The following ACSL4 variants were observed in gnomAD, a reference collection of about 807,000 sequenced individuals.
The protein encoded by ACSL4 is acyl-CoA synthetase long chain family member 4.
Under a neutral mutation model 49.1 loss-of-function variants are expected in ACSL4, and 9 were observed. The ratio of observed to expected loss-of-function variants is 0.18; its 90% CI spans 0.11 to 0.32. ACSL4 has a LOEUF of 0.32. Ranked by LOEUF, ACSL4 falls within the 10% of genes least tolerant of loss-of-function variation. ACSL4 has a pLI of 1.00. For missense variants in ACSL4, 333 were observed against 493.7 expected (o/e 0.67, Z 3.08); for synonymous variants, 191 against 170.3 (o/e 1.12, Z -0.95).
intron 9 of ACSL4, among the ~76,000 whole-genome samples, chrX:109,669,559 A>G (rs1217537002): frequency 9.0e-6 from 1 of 110,626 alleles, no homozygotes; most frequent in African/African-American, 3.3e-5. Context: ...ACACCCGGCT[A>G]ATTTTTTGTA....
chrX:109,729,150 C>T (rs1040868991), intron 1 of ACSL4, among the ~76,000 whole-genome samples: 2 of 110,322 alleles, frequency 1.8e-5, no homozygotes, highest in Admixed American at 1.9e-4. Context: ...ATCTGGGAGG[C>T]AGAGCTTGCA....
rs1051508507 is a variant in ACSL4 at position 109,711,740 on chromosome X, T to C, written c.-65-15544A>G. 8.1e-5 allele frequency among the ~76,000 whole-genome samples: 9 copies of C among 111,022 alleles called. No homozygotes were observed. In the East Asian group the frequency reaches 1.7e-3, roughly 21 times the overall value. On this transcript the variant is annotated intron_variant, in intron 1 of 15. Transcript: ENST00000672401. The stretch of plus-strand genomic sequence containing the variant: ...GTAGAAAGCCTTCCTTGACCTCCTA[T>C]GTTACGTGAAGTGCCTCTGCTATTT...
intron 1 of ACSL4, among the ~76,000 whole-genome samples, chrX:109,723,837 A>T (rs1927748669): frequency 8.9e-6 from 1 of 112,860 alleles, no homozygotes; most frequent in Admixed American, 9.4e-5. Flanking sequence ...ACTCTCATTA[A>T]CAGTGTATGC....
intron 15 of ACSL4, among the ~76,000 whole-genome samples, chrX:109,645,461 C>T (rs1331204448): frequency 1.8e-5 from 2 of 111,976 alleles, no homozygotes; most frequent in Admixed American, 1.9e-4. Context: ...AGCTGAGGGT[C>T]CTGTCTGTTA....
intron 3 of ACSL4, 67 bp downstream of exon 3, chrX:109,683,069 C>T (rs1045927876): frequency 2.7e-6 from 3 of 1,124,664 alleles, no homozygotes; most frequent in South Asian, 1.9e-5. Flanking sequence ...AAAACGCACT[C>T]GATTTATGAT....
In ACSL4 at chrX:109,681,120, A is replaced by G. The variant is rs1314721535; in HGVS notation, c.533T>C (p.Ile178Thr). 2.5e-6 allele frequency: 3 copies of G among 1,208,914 alleles called. No individual in the cohort carries two copies. Among genetic ancestry groups the G allele is most frequent in the African/African-American group, 3.5e-5 (2 of 56,930 alleles). ...ATAAATGATATGTTTAACACAACTG[A>G]TATCTAACAATGCAGTCTGTTGAGC... ...ESKLKTALLDISCVKHIIYVD... is the reference protein window; with the variant it reads ...ESKLKTALLDTSCVKHIIYVD... The change falls in exon 6 of 16, where the codon ATC becomes ACC. Residue 178 changes from isoleucine (I) to threonine (T), a missense_variant. Ile to Thr is a moderately conservative substitution (Grantham distance 89). Around this residue, in one of 3 missense-constraint regions of ACSL4, gnomAD observed 157 missense variants for 201.1 expected, o/e 0.78. Transcript: ENST00000672401.
chrX:109,674,468 G>C lies in ACSL4; in HGVS notation c.936C>G (p.Ser312Arg). 8.4e-7 allele frequency: 1 copy of C among 1,189,010 alleles called. No homozygotes were observed. The highest frequency in any genetic ancestry group is 1.8e-5 in the South Asian group (1 of 56,007). ...CTCCTTTGCTTCCTTTTTTAATTTT[G>C]CTGGACTATATTAAAGAAAAAATAA... ...SSPLTLSDQS[S>R]KIKKGSKGDC... Residue 312 changes from serine (S) to arginine (R), a missense_variant, in exon 9 of 16, where the codon AGC becomes AGG. This residue lies in a region of ACSL4 where 175 missense variants were observed against 275.8 expected (regional missense o/e 0.63). Transcript: ENST00000672401.
intron 5 of ACSL4, 38 bp downstream of exon 5, chrX:109,681,228 C>T (rs763619554): frequency 1.0e-5 from 12 of 1,199,084 alleles, no homozygotes; most frequent in Non-Finnish European, 1.2e-5. Context: ...TCCTGCCAGA[C>T]AACGCAACCA....
At position 109,681,349 on chromosome X, in the gene ACSL4, T is replaced by C. The variant is rs758700825; in HGVS notation, c.433A>G (p.Lys145Glu). The change falls in exon 5 of 16, where the codon AAA becomes GAA. Residue 145 changes from lysine to glutamate, a missense_variant. This residue lies in a region of ACSL4 where 157 missense variants were observed against 201.1 expected (regional missense o/e 0.78). Coordinates refer to ENST00000672401, the MANE Select transcript of ACSL4 (RefSeq NM_001318510.2). ...PLVTLYATLG[K>E]EAVVHGLNES... is the part of the protein sequence containing the mutation. ...TTTAGCCCATGAACTACTGCTTCTTTGCCAAGTGTGGCATATAAAGTCACA... is the reference window on the plus strand; with the variant it reads ...TTTAGCCCATGAACTACTGCTTCTTCGCCAAGTGTGGCATATAAAGTCACA... The C allele has an allele frequency of 1.7e-6, 2 of 1,207,625 alleles. No individual in the cohort carries two copies. The highest frequency in any genetic ancestry group is 1.8e-5 in the South Asian group (1 of 56,758).
intron 11 of ACSL4, among the ~76,000 whole-genome samples, chrX:109,666,295 T>C (rs1211619439): frequency 8.9e-6 from 1 of 111,804 alleles, no homozygotes; most frequent in Admixed American, 9.5e-5. Context: ...CATTAAAAGA[T>C]GGTTGTGATC....
chrX:109,653,325 G>T (rs1055504144), intron 15 of ACSL4, among the ~76,000 whole-genome samples: 1 of 111,596 alleles, frequency 9.0e-6, no homozygotes, highest in Admixed American at 9.5e-5. Flanking sequence ...AGAGGATGTG[G>T]AGAAATAGGA....
At chrX:109,714,434 T>G in intron 1 of ACSL4, among the ~76,000 whole-genome samples, 1 of 111,836 alleles carries the variant, frequency 8.9e-6, no homozygotes, top group South Asian at 3.7e-4. Context: ...TTTCATAAAT[T>G]TAGTGTAGCA....
chrX:109,710,245 C>G (rs1926657236), intron 1 of ACSL4, among the ~76,000 whole-genome samples: 2 of 112,325 alleles, frequency 1.8e-5, no homozygotes, highest in South Asian at 7.3e-4. Flanking sequence ...TGTATCCTAA[C>G]TTTCATCCCA....
At chrX:109,712,944 C>T (rs1037347983) in intron 1 of ACSL4, among the ~76,000 whole-genome samples, 7 of 106,192 alleles carry the variant, frequency 6.6e-5, no homozygotes, top group Admixed American at 1.0e-4. Flanking sequence ...CCAGCCTGGG[C>T]GACAGAGTGA....
chrX:109,676,400 C>T (rs1197459200), intron 8 of ACSL4, among the ~76,000 whole-genome samples: 1 of 111,754 alleles, frequency 8.9e-6, no homozygotes, highest in Non-Finnish European at 1.9e-5. Flanking sequence ...ACTGTGAACA[C>T]TGAGGACGTA....
Position 109,644,002 on chromosome X carries a change from C to T in ACSL4, c.*27G>A, listed in dbSNP as rs150760891. On this transcript the variant is annotated 3_prime_UTR_variant, in exon 16 of 16. Coordinates refer to ENST00000672401, the MANE Select transcript of ACSL4 (RefSeq NM_001318510.2). ...TTGAAAACCACCAGGCTACCTCCTG[C>T]ACAACTGTCAATAAGACAACAACAT... 501 of 1,207,708 alleles carry T rather than the reference C, an allele frequency of 4.1e-4. 5 individuals carry two copies. The African/African-American group carries it at 7.8e-3, about 19-fold the overall frequency.
intron 15 of ACSL4, among the ~76,000 whole-genome samples, chrX:109,656,701 T>G (rs907253613): frequency 9.0e-6 from 1 of 110,514 alleles, no homozygotes; most frequent in African/African-American, 3.3e-5. Flanking sequence ...TACTGACATT[T>G]TTTAAACTAT....
intron 1 of ACSL4, among the ~76,000 whole-genome samples, chrX:109,730,366 G>A (rs978751229): frequency 8.9e-6 from 1 of 112,153 alleles, no homozygotes; most frequent in African/African-American, 3.2e-5. Context: ...TTGAAAGGAT[G>A]GAGAAAAAGG....
intron 2 of ACSL4, among the ~76,000 whole-genome samples, chrX:109,690,758 A>AGGG (rs377016860): frequency 1.4e-5 from 1 of 73,262 alleles, no homozygotes; most frequent in African/African-American, 5.0e-5. Context: ...AAGACATTTT[A>AGGG]GGGGGGGGGG....
Sources: gnomAD v4.1 joint callset for allele counts (sites outside exome capture counted in the v4.1 genomes callset) on GRCh38, gnomAD v4.1.1 for gene constraint, gnomAD v4.1.1 regional missense constraint, MANE v1.5 for transcripts, NCBI Gene and HGNC (gene_info 2026-07-23, HGNC 2026-07-21) for gene names.